The following CA8 variants were observed in gnomAD, a reference collection of about 807,000 sequenced individuals.
The protein encoded by CA8 is carbonic anhydrase 8 (inactive), also known as carbonic anhydrase-related protein.
CA8 carries 22 observed loss-of-function variants against 41.4 expected under a neutral mutation model. The observed-to-expected ratio is 0.53, with a 90% confidence interval of 0.38 to 0.76. CA8 has a LOEUF of 0.76. Among genes scored for constraint, CA8 ranks in the 30% least tolerant of loss-of-function variants. CA8 has a pLI of 0.00. For missense variants in CA8, 270 were observed against 352.8 expected (o/e 0.77, Z 1.88); for synonymous variants, 121 against 130.6 (o/e 0.93, Z 0.50).
At chr8:60,231,035 A>T (rs1807631706) in intron 4 of CA8, among the ~76,000 whole-genome samples, 1 of 152,136 alleles carries the variant, frequency 6.6e-6, no homozygotes, top group Non-Finnish European at 1.5e-5. Flanking sequence ...GAGATAGTAC[A>T]TTCTACTGTC....
intron 7 of CA8, among the ~76,000 whole-genome samples, chr8:60,217,634 T>C (rs566704559): frequency 1.3e-5 from 2 of 152,284 alleles, no homozygotes; most frequent in Non-Finnish European, 1.5e-5. Context: ...TCTCAAACTC[T>C]CAATATGCAA....
intron 7 of CA8, among the ~76,000 whole-genome samples, chr8:60,220,612 G>A (rs1229813590): frequency 6.6e-6 from 1 of 152,122 alleles, no homozygotes; most frequent in African/African-American, 2.4e-5. Flanking sequence ...TCCTAAGAAG[G>A]CATCATCTCC....
At chr8:60,236,280 C>T (rs1436701330) in intron 3 of CA8, among the ~76,000 whole-genome samples, 1 of 152,176 alleles carries the variant, frequency 6.6e-6, no homozygotes, top group Non-Finnish European at 1.5e-5. Flanking sequence ...GCGTTTCCAG[C>T]CTTGAAACTC....
At chr8:60,254,413 A>G (rs899565718) in intron 3 of CA8, among the ~76,000 whole-genome samples, 3 of 152,116 alleles carry the variant, frequency 2.0e-5, no homozygotes, top group Non-Finnish European at 4.4e-5. Flanking sequence ...CTGTATGTAG[A>G]CCCCTTTAAT....
intron 3 of CA8, among the ~76,000 whole-genome samples, chr8:60,236,042 G>A (rs1401283667): frequency 1.3e-5 from 2 of 152,130 alleles, no homozygotes; most frequent in East Asian, 3.9e-4. Context: ...GTGTCAGCTT[G>A]GCTAGGCTAT....
At chr8:60,275,285 G>A (rs1334741994) in intron 2 of CA8, among the ~76,000 whole-genome samples, 4 of 152,134 alleles carry the variant, frequency 2.6e-5, no homozygotes, top group Admixed American at 6.5e-5. Context: ...AAATAGGAAC[G>A]AAGAGCCAAA....
intron 5 of CA8, among the ~76,000 whole-genome samples, chr8:60,225,302 T>C (rs1807393233): frequency 6.6e-6 from 1 of 152,180 alleles, no homozygotes; most frequent in African/African-American, 2.4e-5. Flanking sequence ...TTTTCTCTAT[T>C]GATACAGATG....
chr8:60,238,552 C>T (rs954374925), intron 3 of CA8, among the ~76,000 whole-genome samples: 1 of 152,092 alleles, frequency 6.6e-6, no homozygotes, highest in African/African-American at 2.4e-5. Flanking sequence ...CCTCCTGCCC[C>T]GCTTGCCAGG....
chr8:60,275,333 G>A (rs1180468840), intron 2 of CA8, among the ~76,000 whole-genome samples: 1 of 152,052 alleles, frequency 6.6e-6, no homozygotes, highest in East Asian at 1.9e-4. Flanking sequence ...CGAAATAAAA[G>A]AGGGATGCCA....
chr8:60,196,134 A>T (rs1047459715), intron 8 of CA8, among the ~76,000 whole-genome samples: 1 of 152,188 alleles, frequency 6.6e-6, no homozygotes, highest in African/African-American at 2.4e-5. Context: ...ATCAGCGGAA[A>T]TCTTACCGAA....
intron 4 of CA8, 35 bp from the exon 5 acceptor site, chr8:60,226,970 A>C (rs1807462888): frequency 6.9e-7 from 1 of 1,459,072 alleles, no homozygotes; most frequent in African/African-American, 1.4e-5. Flanking sequence ...CAACCACAAC[A>C]TTTTTCAGTG....
At position 60,187,004 on chromosome 8, in the gene CA8, G is replaced by C. The variant is rs977040445; in HGVS notation, c.*3017C>G. Among the ~76,000 whole-genome samples the C allele has an allele frequency of 2.6e-5, 4 of 152,002 alleles. No homozygotes were observed. In the East Asian group the frequency reaches 5.8e-4, roughly 22 times the overall value. On this transcript the variant is annotated 3_prime_UTR_variant, in exon 9 of 9. Transcript: ENST00000317995. ...TAGACCTAACAGCCATCTATCTATA[G>C]AACACAGCATCCAACAACAGTACAA...
chr8:60,218,729 A>C (rs1221972886), intron 7 of CA8, among the ~76,000 whole-genome samples: 1 of 152,208 alleles, frequency 6.6e-6, no homozygotes, highest in Non-Finnish European at 1.5e-5. Flanking sequence ...CAACAAAAAA[A>C]TGTGTATGTA....
At chr8:60,267,237 C>T (rs376532686) in intron 2 of CA8, among the ~76,000 whole-genome samples, 1 of 152,088 alleles carries the variant, frequency 6.6e-6, no homozygotes, top group East Asian at 1.9e-4. Context: ...GGAAGAAGAA[C>T]AAGGGGAAGC....
chr8:60,208,223 G>A, intron 8 of CA8: 1 of 158,416 alleles, frequency 6.3e-6, no homozygotes, highest in Non-Finnish European at 1.4e-5. Flanking sequence ...TAATTAATAA[G>A]TGCTTCTCAA....
At chr8:60,269,604 A>G (rs1804004904) in intron 2 of CA8, among the ~76,000 whole-genome samples, 1 of 152,220 alleles carries the variant, frequency 6.6e-6, no homozygotes, top group Admixed American at 6.5e-5. Flanking sequence ...CATTTATCTA[A>G]ATCTATCTAA....
intron 4 of CA8, among the ~76,000 whole-genome samples, chr8:60,229,017 C>T (rs1807542914): frequency 6.6e-6 from 1 of 152,172 alleles, no homozygotes; most frequent in South Asian, 2.1e-4. Flanking sequence ...GTTCAGATAA[C>T]ACAACCTGGT....
At chr8:60,195,099 T>C (rs1806243845) in intron 8 of CA8, among the ~76,000 whole-genome samples, 1 of 152,210 alleles carries the variant, frequency 6.6e-6, no homozygotes, top group African/African-American at 2.4e-5. Context: ...TTTGGGATTT[T>C]CTCCAAATAT....
intron 8 of CA8, among the ~76,000 whole-genome samples, chr8:60,192,975 A>ACACACC (rs1554573983): frequency 2.2e-4 from 30 of 137,476 alleles, no homozygotes; most frequent in South Asian, 1.6e-3. Flanking sequence ...ACACACACAC[A>ACACACC]CCCCACCCCA....
Sources: allele counts gnomAD v4.1 joint callset (sites outside exome capture counted in the v4.1 genomes callset), GRCh38; gene constraint gnomAD v4.1.1; transcripts MANE v1.5; gene names NCBI Gene and HGNC (gene_info 2026-07-23, HGNC 2026-07-21).